CSGALNACT1: variants seen among roughly 807,000 people sequenced by gnomAD.
The protein encoded by CSGALNACT1 is chondroitin sulfate N-acetylgalactosaminyltransferase 1.
In CSGALNACT1, 52 loss-of-function variants were observed where a neutral mutation model predicts 51.0. The observed-to-expected ratio is 1.02, with a 90% confidence interval of 0.82 to 1.29. CSGALNACT1 has a LOEUF of 1.29. Among genes scored for constraint, CSGALNACT1 ranks in the 50% most tolerant of loss-of-function variants. The pLI is 0.00. For missense variants in CSGALNACT1, 935 were observed against 679.2 expected (o/e 1.38, Z -4.19); for synonymous variants, 341 against 254.4 (o/e 1.34, Z -3.24).
intron 6 of CSGALNACT1, among the ~76,000 whole-genome samples, chr8:19,435,504 A>G (rs1365722011): frequency 6.6e-6 from 1 of 151,790 alleles, no homozygotes; most frequent in East Asian, 1.9e-4. Context: ...AAAAAAAAAA[A>G]AAATTCCTAT....
intron 1 of CSGALNACT1, among the ~76,000 whole-genome samples, chr8:19,618,409 G>A (rs2053327350): frequency 6.6e-6 from 1 of 151,968 alleles, no homozygotes. Context: ...GGGAGGCTGA[G>A]GTGGGTGAAT....
chr8:19,506,500 G>A (rs1025401964), intron 3 of CSGALNACT1, among the ~76,000 whole-genome samples: 3 of 152,204 alleles, frequency 2.0e-5, no homozygotes, highest in Admixed American at 1.3e-4. Flanking sequence ...TGACACTGGA[G>A]TTGCTGGCAG....
chr8:19,405,343 T>C (rs1437523084), exon 10 of CSGALNACT1: 1 of 455,288 alleles, frequency 2.2e-6, no homozygotes, highest in Non-Finnish European at 4.4e-6. Flanking sequence ...CCTTCTGATA[T>C]TTTAGCATTC....
upstream of CSGALNACT1, among the ~76,000 whole-genome samples, chr8:19,604,093 C>T (rs1361878662): frequency 6.6e-6 from 1 of 152,134 alleles, no homozygotes; most frequent in East Asian, 1.9e-4. Context: ...TACATGTCTC[C>T]TTAGCCGTTC....
chr8:19,650,732 A>C (rs983756015), intron 1 of CSGALNACT1, among the ~76,000 whole-genome samples: 2 of 152,326 alleles, frequency 1.3e-5, no homozygotes, highest in African/African-American at 4.8e-5. Flanking sequence ...CAAAGCAAGG[A>C]AACAAAACCG....
intron 1 of CSGALNACT1, among the ~76,000 whole-genome samples, chr8:19,625,810 C>A (rs1300952695): frequency 6.6e-6 from 1 of 152,172 alleles, no homozygotes; most frequent in African/African-American, 2.4e-5. Flanking sequence ...GGGAATTCAT[C>A]CTAAGCCAGT....
intron 5 of CSGALNACT1, among the ~76,000 whole-genome samples, chr8:19,446,730 T>C (rs1464493064): frequency 6.6e-6 from 1 of 152,140 alleles, no homozygotes; most frequent in Non-Finnish European, 1.5e-5. Flanking sequence ...GCCAGGCTGG[T>C]CTCGAACTCC....
chr8:19,609,018 C>T (rs1169286620), intron 1 of CSGALNACT1, among the ~76,000 whole-genome samples: 1 of 152,024 alleles, frequency 6.6e-6, no homozygotes, highest in African/African-American at 2.4e-5. Flanking sequence ...TTGTGTTATG[C>T]TCCAACTGCA....
At chr8:19,537,254 G>C (rs1004983363) in intron 3 of CSGALNACT1, among the ~76,000 whole-genome samples, 4 of 152,064 alleles carry the variant, frequency 2.6e-5, no homozygotes, top group African/African-American at 9.7e-5. Context: ...TTGCAGTTTT[G>C]ATGGGACAGC....
At chr8:19,574,261 G>T (rs2043659906) in intron 3 of CSGALNACT1, among the ~76,000 whole-genome samples, 1 of 152,152 alleles carries the variant, frequency 6.6e-6, no homozygotes, top group African/African-American at 2.4e-5. Context: ...CTCTACTGGG[G>T]ACTTGGAGAT....
intron 4 of CSGALNACT1, among the ~76,000 whole-genome samples, chr8:19,486,947 T>C (rs2073099785): frequency 6.6e-6 from 1 of 152,214 alleles, no homozygotes; most frequent in Non-Finnish European, 1.5e-5. Flanking sequence ...GGCTGCCTAC[T>C]CTTTCATGCT....
At chr8:19,442,379 C>T (rs2061452849) in intron 5 of CSGALNACT1, among the ~76,000 whole-genome samples, 2 of 152,210 alleles carry the variant, frequency 1.3e-5, no homozygotes, top group African/African-American at 2.4e-5. Context: ...CCATGGAATA[C>T]TATGCAGCCA....
At chr8:19,659,655 C>A (rs1037319037) in intron 1 of CSGALNACT1, among the ~76,000 whole-genome samples, 2 of 152,214 alleles carry the variant, frequency 1.3e-5, no homozygotes, top group Non-Finnish European at 2.9e-5. Flanking sequence ...CTCATCTTCT[C>A]TTTTACATAT....
intron 1 of CSGALNACT1, among the ~76,000 whole-genome samples, chr8:19,750,695 T>C (rs992750787): frequency 1.3e-5 from 2 of 152,210 alleles, no homozygotes; most frequent in African/African-American, 4.8e-5. Context: ...ACCACCAAAG[T>C]CTCAAACCCT....
chr8:19,448,847 G>A (rs1422168744), intron 5 of CSGALNACT1, among the ~76,000 whole-genome samples: 2 of 152,170 alleles, frequency 1.3e-5, no homozygotes, highest in Non-Finnish European at 2.9e-5. Flanking sequence ...TAAAAGACCT[G>A]ATGTTCCCAA....
chr8:19,433,734 T>G (rs991950593), intron 6 of CSGALNACT1, among the ~76,000 whole-genome samples: 4 of 152,214 alleles, frequency 2.6e-5, no homozygotes, highest in Admixed American at 6.5e-5. Context: ...CAGGACAGCT[T>G]TGAATGCAAC....
chr8:19,656,553 GCA>G lies in CSGALNACT1; in HGVS notation c.-544+25918_-544+25919del, dbSNP rs1291819784. ...TTAAAACACACACGTGTACGCGCAT[GCA>G]CACACACACAGTGACCAAGAACCAG... On this transcript the variant is annotated intron_variant, in intron 1 of 9. Coordinates refer to the CSGALNACT1 transcript ENST00000332246. Among the ~76,000 whole-genome samples the G allele has an allele frequency of 6.7e-5, 10 of 149,852 alleles. No individual in the cohort carries two copies. In the East Asian group the frequency reaches 1.4e-3, roughly 21 times the overall value.
chr8:19,737,826 T>C (rs539111827), intron 1 of CSGALNACT1, among the ~76,000 whole-genome samples: 4 of 152,316 alleles, frequency 2.6e-5, no homozygotes, highest in East Asian at 3.9e-4. Context: ...ATTCTACTTA[T>C]ATGAGGTACT....
chr8:19,602,712 G>C (rs561612670), upstream of CSGALNACT1: 4 of 152,326 alleles, frequency 2.6e-5, no homozygotes, highest in African/African-American at 4.8e-5. Context: ...CTTCCTTTTA[G>C]GAATATCAAT....
Sources: gnomAD v4.1 joint callset for allele counts (sites outside exome capture counted in the v4.1 genomes callset) on GRCh38, gnomAD v4.1.1 for gene constraint, MANE v1.5 for transcripts, NCBI Gene and HGNC (gene_info 2026-07-23, HGNC 2026-07-21) for gene names.